MATN2: variants seen among roughly 807,000 people sequenced by gnomAD.
The protein encoded by MATN2 is matrilin-2.
Under a neutral mutation model 103.2 loss-of-function variants are expected in MATN2, and 69 were observed. That is an observed-to-expected ratio of 0.67 (90% CI 0.55 to 0.82). The LOEUF is 0.82. MATN2 is among the 40% of genes least tolerant of loss of function. The pLI is 0.00. For missense variants in MATN2, 1,023 were observed against 1,211.5 expected, an observed-to-expected ratio of 0.84 and a Z score of 2.31; for synonymous variants, 429 against 450.2, an observed-to-expected ratio of 0.95 and a Z score of 0.60.
intron 5 of MATN2, among the ~76,000 whole-genome samples, chr8:97,973,056 A>G (rs1811714023): frequency 6.6e-6 from 1 of 152,242 alleles, no homozygotes. Flanking sequence ...ATAACATTAG[A>G]GCTGAATGCC....
chr8:97,935,009 T>C (rs980714688), intron 3 of MATN2, among the ~76,000 whole-genome samples: 2 of 152,194 alleles, frequency 1.3e-5, no homozygotes, highest in Non-Finnish European at 2.9e-5. Flanking sequence ...ATAGCTAATC[T>C]TGTCCTGTGC....
At chr8:97,966,768 A>T (rs1448229385) in intron 5 of MATN2, among the ~76,000 whole-genome samples, 1 of 152,174 alleles carries the variant, frequency 6.6e-6, no homozygotes, top group Non-Finnish European at 1.5e-5. Flanking sequence ...TTAAATATTT[A>T]TGTGTCAGTT....
intron 5 of MATN2, among the ~76,000 whole-genome samples, chr8:97,965,533 G>T (rs925622472): frequency 6.6e-6 from 1 of 152,138 alleles, no homozygotes; most frequent in African/African-American, 2.4e-5. Context: ...GGAACAAGGA[G>T]AAGTCAAAAG....
chr8:98,004,069 C>T, intron 8 of MATN2: 1 of 342,182 alleles, frequency 2.9e-6, no homozygotes, highest in Non-Finnish European at 5.8e-6. Flanking sequence ...GGCAGATCAC[C>T]TGAGGTCAGG....
intron 2 of MATN2, among the ~76,000 whole-genome samples, chr8:97,891,848 T>C (rs1478327200): frequency 2.6e-5 from 4 of 152,160 alleles, no homozygotes; most frequent in Non-Finnish European, 5.9e-5. Flanking sequence ...ATGCCTGTAA[T>C]TCCAGTACTT....
rs1393596105 is a variant in MATN2 at position 98,005,532 on chromosome 8, A to G, written c.1328-1573A>G. On this transcript the variant is annotated intron_variant, in intron 8 of 18. Transcript: ENST00000254898. This position sits in a 1 kb window ranked among gnomAD's most constrained non-coding sequence, Gnocchi z 4.6. Reference sequence around the variant, plus strand: ...TCCGGGGGCCAGAAGAGCTCTAAGAACGGACCACAAGAGATCGGGACCCTC... The same window carrying G: ...TCCGGGGGCCAGAAGAGCTCTAAGAGCGGACCACAAGAGATCGGGACCCTC... Among the ~76,000 whole-genome samples, 2 of 152,152 alleles carry G rather than the reference A, an allele frequency of 1.3e-5. No individual in the cohort carries two copies. The highest frequency in any genetic ancestry group is 3.9e-4 in the East Asian group (2 of 5,192).
At chr8:98,020,838 T>C (rs1373564677) in intron 12 of MATN2, among the ~76,000 whole-genome samples, 1 of 152,214 alleles carries the variant, frequency 6.6e-6, no homozygotes, top group Non-Finnish European at 1.5e-5. Context: ...GTTAAAGGGC[T>C]GTAAGTACTT....
rs570657770 is a variant in MATN2, at chr8:98,005,277, G to A, written c.1327+1494G>A. Among the ~76,000 whole-genome samples the A allele has an allele frequency of 3.3e-5, 5 of 152,338 alleles. No homozygotes were observed. The highest frequency in any genetic ancestry group is 7.4e-5 in the Non-Finnish European group (5 of 68,026). Reference sequence around the variant, plus strand: ...GTGCCAAAGTCAGTGCCTGCTGTACGTTGCCTCTGCATGTCTCTGAGTCCT... The same window carrying A: ...GTGCCAAAGTCAGTGCCTGCTGTACATTGCCTCTGCATGTCTCTGAGTCCT... On this transcript the variant is annotated intron_variant, in intron 8 of 18. Coordinates refer to ENST00000254898, the MANE Select transcript of MATN2 (RefSeq NM_002380.5). The surrounding 1 kb of genome is among the most constrained non-coding windows in gnomAD (Gnocchi z 4.6).
chr8:97,886,410 G>A (rs747375817), intron 1 of MATN2, among the ~76,000 whole-genome samples: 1 of 152,152 alleles, frequency 6.6e-6, no homozygotes, highest in Non-Finnish European at 1.5e-5. Context: ...GGACCACTGA[G>A]CTAGTGGGTT....
At chr8:97,984,528 C>T (rs1354744160) in intron 6 of MATN2, among the ~76,000 whole-genome samples, 1 of 152,150 alleles carries the variant, frequency 6.6e-6, no homozygotes, top group Non-Finnish European at 1.5e-5. Context: ...TGTCTGTAAC[C>T]ACAGGATGCT....
At chr8:98,012,706 G>T (rs956839953) in intron 10 of MATN2, among the ~76,000 whole-genome samples, 1 of 152,094 alleles carries the variant, frequency 6.6e-6, no homozygotes, top group African/African-American at 2.4e-5. Flanking sequence ...AATCTGCCAG[G>T]CTGCCTCAGC....
Position 97,947,459 on chromosome 8 carries a change from G to T in MATN2, c.835+5560G>T, listed in dbSNP as rs759931406. On this transcript the variant is annotated intron_variant, in intron 4 of 18. Coordinates refer to ENST00000254898, the MANE Select transcript of MATN2 (RefSeq NM_002380.5). ...AATATACTTAAAAAATTACTTCATT[G>T]TATTTCTGTACACTGGCAACAAAAG... Among the ~76,000 whole-genome samples, 3 of 152,254 alleles carry T rather than the reference G, an allele frequency of 2.0e-5. No individual in the cohort carries two copies. In the South Asian group the frequency reaches 6.2e-4, roughly 32 times the overall value.
intron 4 of MATN2, among the ~76,000 whole-genome samples, chr8:97,948,998 C>G (rs1293518116): frequency 1.3e-5 from 2 of 152,144 alleles, no homozygotes; most frequent in Non-Finnish European, 2.9e-5. Context: ...GAATTCTTAG[C>G]TCAGTACCAA....
chr8:98,027,998 G>A (rs954075127), intron 14 of MATN2, among the ~76,000 whole-genome samples, 169 bp downstream of exon 14: 1 of 152,126 alleles, frequency 6.6e-6, no homozygotes, highest in South Asian at 2.1e-4. Context: ...GCCTTAACAG[G>A]ACCCCACAGG....
At chr8:97,871,411 G>A (rs1046369808) in intron 1 of MATN2, among the ~76,000 whole-genome samples, 2 of 152,196 alleles carry the variant, frequency 1.3e-5, no homozygotes, top group Non-Finnish European at 2.9e-5. Context: ...TTGGGTATGA[G>A]GCTGGGCAAG....
intron 18 of MATN2, 57 bp from the exon 19 acceptor site, chr8:98,035,600 A>T (rs1814211173): frequency 1.2e-5 from 13 of 1,074,784 alleles, no homozygotes; most frequent in Non-Finnish European, 1.8e-5. Flanking sequence ...AAATCAAGTT[A>T]TATTTAAATG....
At chr8:97,994,957 A>G (rs183540793) in intron 7 of MATN2, among the ~76,000 whole-genome samples, 10 of 152,188 alleles carry the variant, frequency 6.6e-5, no homozygotes, top group South Asian at 2.1e-4. Context: ...GGTTTCTTCT[A>G]CTCCTACAAG....
rs554336292 is a variant in MATN2, at chr8:98,010,912, A to C, written c.1573+3311A>C. On this transcript the variant is annotated intron_variant, in intron 10 of 18. Transcript: ENST00000254898. ...GAGCTTGGCCTTCCAGGGCTGAGGC[A>C]GGCCTAGGCGAGGCTAGGGGAGTGT... Among the ~76,000 whole-genome samples the C allele has an allele frequency of 5.3e-4, 80 of 152,356 alleles. 1 individual carries two copies. In the South Asian group the frequency reaches 0.016, roughly 30 times the overall value.
intron 3 of MATN2, among the ~76,000 whole-genome samples, chr8:97,932,684 C>A (rs748698700): frequency 6.6e-6 from 1 of 152,172 alleles, no homozygotes; most frequent in Admixed American, 6.5e-5. Flanking sequence ...GTTCCTTCCT[C>A]CTCCGGGAGG....
Sources: allele counts gnomAD v4.1 joint callset (sites outside exome capture counted in the v4.1 genomes callset), GRCh38; gene constraint gnomAD v4.1.1; non-coding constraint Gnocchi (gnomAD v3.1); transcripts MANE v1.5; gene names NCBI Gene and HGNC (gene_info 2026-07-23, HGNC 2026-07-21).